Variants in GRK7 observed in about 807,000 individuals in gnomAD.
GRK7 encodes G protein-coupled receptor kinase 7.
Under a neutral mutation model 34.1 loss-of-function variants are expected in GRK7, and 24 were observed. That is an observed-to-expected ratio of 0.70 (90% CI 0.51 to 0.99). The LOEUF is 0.99. Among genes scored for constraint, GRK7 ranks in the 50% least tolerant of loss-of-function variants. The pLI, the probability that GRK7 is intolerant of heterozygous loss-of-function variation, is 0.00. For missense variants in GRK7, 644 were observed against 707.3 expected (o/e 0.91, Z 1.02); for synonymous variants, 256 against 279.4 (o/e 0.92, Z 0.84).
the GRK7 span, among the ~76,000 whole-genome samples, chr3:141,753,506 A>T: frequency 6.6e-6 from 1 of 152,150 alleles, no homozygotes; most frequent in Non-Finnish European, 1.5e-5. Context: ...GGAGCGCCCA[A>T]CCTAGATCCC....
chr3:141,787,078 T>C (rs991240597), intron 4 of GRK7, among the ~76,000 whole-genome samples: 2 of 151,986 alleles, frequency 1.3e-5, no homozygotes, highest in Non-Finnish European at 2.9e-5. Flanking sequence ...CCACATACAC[T>C]TGGAAGAGGA....
chr3:141,817,794 A>G lies in GRK7; in HGVS notation c.*744A>G, dbSNP rs1185871230. On this transcript the variant is annotated 3_prime_UTR_variant, in exon 6 of 6. Coordinates refer to ENST00000682958, the MANE Select transcript of GRK7 (RefSeq NM_139209.3). ...ACTCTGCTGAACTTTGGAATCATCT[A>G]GGGATCTTTTAAAAAACTAATGCCT... The G allele has an allele frequency of 2.0e-5, 3 of 152,192 alleles. No individual in the cohort carries two copies. Among genetic ancestry groups the G allele is most frequent in the African/African-American group, 4.8e-5 (2 of 41,446 alleles). The allele number at this position is 152,192 out of a possible 1,614,324, so 9.4% of individuals were successfully genotyped here. A position where few individuals can be genotyped will look rare whatever the true frequency, so the allele number is the denominator to read the frequency against.
At chr3:141,799,365 C>T (rs557847423) in intron 4 of GRK7, among the ~76,000 whole-genome samples, 1 of 152,272 alleles carries the variant, frequency 6.6e-6, no homozygotes, top group South Asian at 2.1e-4. Context: ...GTAATCCCAG[C>T]CCTTTGGGAG....
chr3:141,756,925 G>C, the GRK7 span, among the ~76,000 whole-genome samples: 1 of 152,006 alleles, frequency 6.6e-6, no homozygotes, highest in Non-Finnish European at 1.5e-5. Context: ...TCAAAACTCA[G>C]AAGAAAAAAG....
intron 4 of GRK7, among the ~76,000 whole-genome samples, chr3:141,799,384 G>C (rs990965445): frequency 1.3e-5 from 2 of 152,098 alleles, no homozygotes; most frequent in African/African-American, 2.4e-5. Context: ...AGGCTGTGGC[G>C]GATGGATCAC....
chr3:141,755,853 G>C, the GRK7 span, among the ~76,000 whole-genome samples: 1 of 152,046 alleles, frequency 6.6e-6, no homozygotes, highest in Non-Finnish European at 1.5e-5. Context: ...CAAGAAAAAT[G>C]AAAATATGCA....
rs182016686 is a variant in GRK7 at position 141,799,472 on chromosome 3, C to T, written c.1051-8173C>T. Among the ~76,000 whole-genome samples the T allele has an allele frequency of 6.2e-4, 94 of 152,010 alleles. 1 individual carries two copies. In the South Asian group the frequency reaches 0.014, roughly 23 times the overall value. On this transcript the variant is annotated intron_variant, in intron 4 of 5. Transcript: ENST00000682958. ...TACTAAAAATACAAAATTAGCCGGG[C>T]GTGGTGGTGAGCGCCTGTAATCCCA...
chr3:141,765,980 C>T (rs144513607), intron 1 of GRK7, among the ~76,000 whole-genome samples: 151 of 152,172 alleles, frequency 9.9e-4, no homozygotes, highest in African/African-American at 3.5e-3. Context: ...TTTTCTTTAC[C>T]ATAGCGTATA....
In GRK7 at chr3:141,806,582, T is replaced by C. The variant is rs113840568; in HGVS notation, c.1051-1063T>C. Reference sequence around the variant, plus strand: ...CATCTCAAAAATATATATATATATATACACACACACATATATATTTGAGTA... The same window carrying C: ...CATCTCAAAAATATATATATATATACACACACACACATATATATTTGAGTA... On this transcript the variant is annotated intron_variant, in intron 4 of 5. Transcript: ENST00000682958. Among the ~76,000 whole-genome samples, 625 of 151,672 alleles carry C rather than the reference T, an allele frequency of 4.1e-3. 4 individuals carry two copies. Among genetic ancestry groups the C allele is most frequent in the African/African-American group, 0.015 (605 of 41,298 alleles).
intron 4 of GRK7, among the ~76,000 whole-genome samples, chr3:141,786,940 T>C (rs1196940770): frequency 6.6e-6 from 1 of 152,156 alleles, no homozygotes; most frequent in Non-Finnish European, 1.5e-5. Flanking sequence ...TGCACCCTGC[T>C]GGCTTTGAAG....
At chr3:141,811,339 AAAAT>A (rs1459971819) in intron 5 of GRK7, among the ~76,000 whole-genome samples, 4 of 152,114 alleles carry the variant, frequency 2.6e-5, no homozygotes, top group Admixed American at 2.0e-4. Flanking sequence ...TAAAAAAACA[AAAAT>A]AAAATAAAAT....
intron 1 of GRK7, among the ~76,000 whole-genome samples, chr3:141,770,825 A>G (rs2084613612): frequency 6.6e-6 from 1 of 152,040 alleles, no homozygotes; most frequent in Non-Finnish European, 1.5e-5. Flanking sequence ...AGTACAAACT[A>G]TATGGAAAAC....
chr3:141,807,629 G>T lies in GRK7; in HGVS notation c.1051-16G>T, dbSNP rs748607779. 2.5e-6 allele frequency: 4 copies of T among 1,609,068 alleles called. No individual in the cohort carries two copies. The highest frequency in any genetic ancestry group is 3.4e-5 in the Admixed American group (2 of 58,994). ...TTTGTTCTGTGTTGTCTTGTTTTTT[G>T]TTTGGGATGTTACAGGCTGGAACCA... On this transcript the variant is annotated splice_polypyrimidine_tract_variant and intron_variant, in intron 4 of 5. Transcript: ENST00000682958.
In GRK7 at chr3:141,778,764, G is replaced by T; in HGVS notation, c.480G>T (p.Glu160Asp). Residue 160 changes from glutamate (E) to aspartate (D), a missense_variant, in exon 3 of 6, where the codon GAG (glutamate) becomes GAT (aspartate). Glu to Asp is a conservative substitution (Grantham distance 45, BLOSUM62 2). Transcript: ENST00000682958. This position sits in a 1 kb window ranked among gnomAD's most constrained non-coding sequence, Gnocchi z 4.1. ...CTGAGGCCATGGCTTTCTTGCAAGAGCAGCCCTTTAAGGATTTCGTGACCA... is the reference window on the plus strand; with the variant it reads ...CTGAGGCCATGGCTTTCTTGCAAGATCAGCCCTTTAAGGATTTCGTGACCA... ...AKAEAMAFLQ[E>D]QPFKDFVTSA... is the part of the protein sequence containing the mutation. The T allele has an allele frequency of 6.2e-7, 1 of 1,608,482 alleles. No individual in the cohort carries two copies. Among genetic ancestry groups the T allele is most frequent in the Non-Finnish European group, 8.5e-7 (1 of 1,177,446 alleles).
Position 141,778,185 on chromosome 3 carries a change from C to T in GRK7, c.-100C>T. 6.9e-7 allele frequency: 1 copy of T among 1,445,122 alleles called. No homozygotes were observed. Among genetic ancestry groups the T allele is most frequent in the South Asian group, 1.4e-5 (1 of 72,560 alleles). 89.5% of individuals were successfully genotyped at this position (1,445,122 alleles called of 1,614,324 possible). ...TCCCACCCACAGGCCACAGGACTCA[C>T]TGTAAATCCCTTGGACGTTGTCTCA... is the stretch of plus-strand genomic sequence containing the variant. On this transcript the variant is annotated 5_prime_UTR_variant, in exon 3 of 6. Transcript: ENST00000682958. This position sits in a 1 kb window ranked among gnomAD's most constrained non-coding sequence, Gnocchi z 4.1.
rs1030488430 is a variant in GRK7, at chr3:141,763,578, C to G, written c.-2375C>G. Among the ~76,000 whole-genome samples, 1 of 152,142 alleles carries G rather than the reference C, an allele frequency of 6.6e-6. No homozygotes were observed. Among genetic ancestry groups the G allele is most frequent in the Non-Finnish European group, 1.5e-5 (1 of 68,036 alleles). On this transcript the variant is annotated 5_prime_UTR_variant, in exon 1 of 6. Transcript: ENST00000682958. ...TAGCCCAGTGGAAGCTGCAGGATCC[C>G]GGATCCAGATCCAGTGTGCGTGGCA... is the stretch of plus-strand genomic sequence containing the variant.
intron 5 of GRK7, among the ~76,000 whole-genome samples, chr3:141,816,398 G>A (rs535955758): frequency 1.3e-5 from 2 of 152,220 alleles, no homozygotes; most frequent in South Asian, 4.2e-4. Flanking sequence ...AGGCAAGCAG[G>A]TGTGTTTCTA....
chr3:141,808,352 C>G (rs375714896), intron 5 of GRK7, among the ~76,000 whole-genome samples: 2 of 152,086 alleles, frequency 1.3e-5, no homozygotes, highest in South Asian at 2.1e-4. Context: ...CACATGCAGC[C>G]ATAAAACAAA....
chr3:141,806,024 T>C (rs2107893009), intron 4 of GRK7, among the ~76,000 whole-genome samples: 2 of 152,324 alleles, frequency 1.3e-5, no homozygotes, highest in Middle Eastern at 6.8e-3. Flanking sequence ...AATCATTACA[T>C]ATATAAATTC....
Sources: allele counts gnomAD v4.1 joint callset (sites outside exome capture counted in the v4.1 genomes callset), GRCh38; gene constraint gnomAD v4.1.1; non-coding constraint Gnocchi (gnomAD v3.1); transcripts MANE v1.5; gene names NCBI Gene and HGNC (gene_info 2026-07-23, HGNC 2026-07-21).